AUTS2: variants seen among roughly 807,000 people sequenced by gnomAD.
AUTS2 encodes activator of transcription and developmental regulator AUTS2.
In AUTS2, 17 loss-of-function variants were observed where a neutral mutation model predicts 112.4. The ratio of observed to expected loss-of-function variants is 0.15; its 90% CI spans 0.10 to 0.23. The LOEUF is 0.23. Ranked by LOEUF, AUTS2 falls within the 10% of genes least tolerant of loss-of-function variation. AUTS2 has a pLI of 1.00. For missense variants in AUTS2, 1,510 were observed against 1,701.6 expected, an observed-to-expected ratio of 0.89 and a Z score of 1.98; for synonymous variants, 751 against 702.7, an observed-to-expected ratio of 1.07 and a Z score of -1.09.
intron 1 of AUTS2, among the ~76,000 whole-genome samples, chr7:69,676,392 A>G (rs1029106404): frequency 2.0e-4 from 31 of 152,178 alleles, no homozygotes; most frequent in Non-Finnish European, 1.0e-4. Flanking sequence ...ATGCATTTAG[A>G]GAGTTGCTGA....
In AUTS2 at chr7:70,694,776, G is replaced by C. The variant is rs1446474005; in HGVS notation, c.691-3793G>C. On this transcript the variant is annotated intron_variant, in intron 5 of 18. Transcript: ENST00000342771. This position sits in a 1 kb window ranked among gnomAD's most constrained non-coding sequence, Gnocchi z 4.1. ...CCTCCCGCCGCCCGGGGCCTCGGCC[G>C]CGCTGGATGTGTGCGCGCGGCGCCG... The C allele has an allele frequency of 2.0e-5, 3 of 149,820 alleles. No individual in the cohort carries two copies. The highest frequency in any genetic ancestry group is 6.6e-5 in the Admixed American group (1 of 15,120). The allele number at this position is 149,820 out of a possible 1,614,324, so 9.3% of individuals were successfully genotyped here.
At chr7:69,627,596 C>A (rs1794018932) in intron 1 of AUTS2, among the ~76,000 whole-genome samples, 1 of 152,038 alleles carries the variant, frequency 6.6e-6, no homozygotes, top group African/African-American at 2.4e-5. Flanking sequence ...GGTACAGGGG[C>A]ATTTCTTTGG....
chr7:69,625,657 G>C (rs1392788904), intron 1 of AUTS2, among the ~76,000 whole-genome samples: 1 of 152,132 alleles, frequency 6.6e-6, no homozygotes, highest in Admixed American at 6.5e-5. Flanking sequence ...CCAGGGGTTT[G>C]AGACCAGCCT....
intron 5 of AUTS2, among the ~76,000 whole-genome samples, chr7:70,440,702 C>G (rs942559435): frequency 6.6e-6 from 1 of 152,078 alleles, no homozygotes; most frequent in Admixed American, 6.5e-5. Context: ...CTTTTTAAAC[C>G]CCTTATCCAA....
chr7:69,800,363 GT>G (rs1790029462), intron 1 of AUTS2, among the ~76,000 whole-genome samples: 1 of 152,218 alleles, frequency 6.6e-6, no homozygotes. Context: ...AGGGGAAGCG[GT>G]TGAGCTGGTA....
At chr7:69,634,322 G>A (rs906517936) in intron 1 of AUTS2, among the ~76,000 whole-genome samples, 17 of 151,878 alleles carry the variant, frequency 1.1e-4, no homozygotes, top group African/African-American at 3.6e-4. Context: ...GGGTTTCACC[G>A]TGTTAGCCAG....
intron 1 of AUTS2, among the ~76,000 whole-genome samples, chr7:69,639,926 G>A (rs1583989572): frequency 6.6e-6 from 1 of 152,182 alleles, no homozygotes; most frequent in African/African-American, 2.4e-5. Flanking sequence ...ATCTCTTACA[G>A]TCTTAGAGAT....
intron 4 of AUTS2, among the ~76,000 whole-genome samples, chr7:70,431,970 C>CT (rs1290789621): frequency 3.3e-5 from 5 of 152,170 alleles, no homozygotes; most frequent in Non-Finnish European, 7.4e-5. Flanking sequence ...TGGGTCATGT[C>CT]TTTGTCTGAA....
intron 5 of AUTS2, among the ~76,000 whole-genome samples, chr7:70,482,685 A>G (rs922183081): frequency 2.0e-5 from 3 of 152,178 alleles, no homozygotes; most frequent in Admixed American, 2.0e-4. Context: ...CTTGACTCTG[A>G]ATAGAGTGCT....
chr7:70,343,758 T>C (rs1257891531), intron 4 of AUTS2, among the ~76,000 whole-genome samples: 1 of 152,164 alleles, frequency 6.6e-6, no homozygotes, highest in Non-Finnish European at 1.5e-5. Flanking sequence ...GTTTTCCTAA[T>C]TAACTGTATT....
chr7:70,222,866 T>C lies in AUTS2; in HGVS notation c.660+88295T>C, dbSNP rs1477310454. Among the ~76,000 whole-genome samples the C allele has an allele frequency of 2.0e-5, 3 of 151,916 alleles. No homozygotes were observed. The East Asian group carries it at 5.8e-4, about 29-fold the overall frequency. Reference sequence around the variant, plus strand: ...TATTCTTCACTCTGCTTTATGATAATATTTCTTGGCTTGGAAATTTGCTTT... The same window carrying C: ...TATTCTTCACTCTGCTTTATGATAACATTTCTTGGCTTGGAAATTTGCTTT... On this transcript the variant is annotated intron_variant, in intron 4 of 18. Transcript: ENST00000342771.
intron 1 of AUTS2, among the ~76,000 whole-genome samples, chr7:69,627,487 G>C (rs767307252): frequency 6.6e-6 from 1 of 151,770 alleles, no homozygotes; most frequent in East Asian, 1.9e-4. Flanking sequence ...GTGAAACGCC[G>C]TCTCAAAAAA....
In AUTS2 at chr7:70,609,051, T is replaced by C. The variant is rs1047991547; in HGVS notation, c.691-89518T>C. 3.3e-5 allele frequency among the ~76,000 whole-genome samples: 5 copies of C among 152,354 alleles called. No individual in the cohort carries two copies. In the South Asian group the frequency reaches 1.0e-3, roughly 32 times the overall value. On this transcript the variant is annotated intron_variant, in intron 5 of 18. Transcript: ENST00000342771. ...GATGATGAAATTGAGCTAATTAACA[T>C]ACGTATGACCTTACATACTTGTTTT...
At chr7:69,697,078 G>A (rs1797593326) in intron 1 of AUTS2, among the ~76,000 whole-genome samples, 3 of 152,190 alleles carry the variant, frequency 2.0e-5, no homozygotes, top group Admixed American at 2.0e-4. Flanking sequence ...CATTAAAATC[G>A]TCTGGAGGGC....
chr7:69,778,271 G>A (rs1788985559), intron 1 of AUTS2, among the ~76,000 whole-genome samples: 1 of 143,152 alleles, frequency 7.0e-6, no homozygotes. Flanking sequence ...TACTCATTTG[G>A]TCTGTGTCAT....
chr7:70,674,019 A>T (rs1807781687), intron 5 of AUTS2, among the ~76,000 whole-genome samples: 1 of 152,156 alleles, frequency 6.6e-6, no homozygotes, highest in Non-Finnish European at 1.5e-5. Flanking sequence ...TTTATGAGGT[A>T]GGAGGGGATC....
intron 10 of AUTS2, 64 bp from the exon 11 acceptor site, chr7:70,771,485 A>G: frequency 7.2e-7 from 1 of 1,384,918 alleles, no homozygotes; most frequent in Non-Finnish European, 1.0e-6. Context: ...ATGGGACGGG[A>G]ATTTGAATAT....
chr7:70,168,470 C>T (rs1584820908), intron 4 of AUTS2, among the ~76,000 whole-genome samples: 1 of 152,154 alleles, frequency 6.6e-6, no homozygotes, highest in Non-Finnish European at 1.5e-5. Context: ...GCGCTGCCAC[C>T]ACACCTGGCT....
At chr7:69,629,896 T>G (rs1165728253) in intron 1 of AUTS2, among the ~76,000 whole-genome samples, 3 of 152,080 alleles carry the variant, frequency 2.0e-5, no homozygotes. Flanking sequence ...TTTTAAAATT[T>G]CAGTTTTGTG....
Sources: gnomAD v4.1 joint callset for allele counts (sites outside exome capture counted in the v4.1 genomes callset) on GRCh38, gnomAD v4.1.1 for gene constraint, Gnocchi (gnomAD v3.1) non-coding constraint, MANE v1.5 for transcripts, NCBI Gene and HGNC (gene_info 2026-07-23, HGNC 2026-07-21) for gene names.